The following ANKRD10 variants were observed in gnomAD, a reference collection of about 807,000 sequenced individuals.
ANKRD10 encodes the protein ankyrin repeat domain-containing protein 10.
A neutral mutation model predicts 27.0 loss-of-function variants in ANKRD10; 14 were observed. The observed-to-expected ratio is 0.52, with a 90% CI of 0.34 to 0.81. ANKRD10 has a LOEUF of 0.81. Among genes scored for constraint, ANKRD10 ranks in the 40% least tolerant of loss-of-function variants. The probability of loss-of-function intolerance (pLI) is 0.01; values close to 1 mark genes in which losing one functional copy is unlikely to be tolerated. For missense variants in ANKRD10, 493 were observed against 544.0 expected (o/e 0.91, Z 0.93); for synonymous variants, 250 against 224.5 (o/e 1.11, Z -1.01).
chr13:110,913,568 A>T (rs1033608121), intron 1 of ANKRD10, among the ~76,000 whole-genome samples: 1 of 152,192 alleles, frequency 6.6e-6, no homozygotes, highest in Admixed American at 6.5e-5. Flanking sequence ...TTCCACTTTA[A>T]AAGAATCAGA....
At chr13:110,898,431 T>C (rs954725390) in intron 3 of ANKRD10, among the ~76,000 whole-genome samples, 1 of 152,194 alleles carries the variant, frequency 6.6e-6, no homozygotes, top group African/African-American at 2.4e-5. Flanking sequence ...TAAAATTCAG[T>C]AGGAGTTGAG....
chr13:110,885,154 C>A (rs1566448907), intron 4 of ANKRD10, among the ~76,000 whole-genome samples: 1 of 151,944 alleles, frequency 6.6e-6, no homozygotes, highest in African/African-American at 2.4e-5. Flanking sequence ...CCATTCAAAG[C>A]TTTAAAAAAT....
At chr13:110,912,124 A>G (rs1203701732) in intron 1 of ANKRD10, among the ~76,000 whole-genome samples, 2 of 152,244 alleles carry the variant, frequency 1.3e-5, no homozygotes, top group East Asian at 1.9e-4. Flanking sequence ...CCATGTGCCA[A>G]GCAACTGTTC....
intron 5 of ANKRD10, among the ~76,000 whole-genome samples, chr13:110,881,287 C>T (rs975675022): frequency 6.6e-5 from 10 of 152,266 alleles, no homozygotes; most frequent in East Asian, 3.9e-4. Context: ...TAAATACATC[C>T]GATTACCCTA....
chr13:110,912,870 T>C (rs1225301722), intron 1 of ANKRD10, among the ~76,000 whole-genome samples: 1 of 152,218 alleles, frequency 6.6e-6, no homozygotes, highest in African/African-American at 2.4e-5. Flanking sequence ...GTTTGGACAC[T>C]GGACAGGGGC....
At chr13:110,898,472 CTG>C (rs1157952967) in intron 3 of ANKRD10, among the ~76,000 whole-genome samples, 2 of 152,214 alleles carry the variant, frequency 1.3e-5, no homozygotes, top group Non-Finnish European at 2.9e-5. Context: ...TTTACAGGTT[CTG>C]TGTTTCCATC....
At chr13:110,889,337 G>GA (rs1356639099) in intron 4 of ANKRD10, among the ~76,000 whole-genome samples, 1 of 151,864 alleles carries the variant, frequency 6.6e-6, no homozygotes, top group African/African-American at 2.4e-5. Context: ...CCACACTGAG[G>GA]AAAGTATTAT....
intron 3 of ANKRD10, among the ~76,000 whole-genome samples, chr13:110,902,268 G>A (rs1263550188): frequency 6.6e-6 from 1 of 152,096 alleles, no homozygotes; most frequent in East Asian, 1.9e-4. Context: ...ATTTTGCTAA[G>A]GGCAAAAGTC....
At position 110,900,737 on chromosome 13, in the gene ANKRD10, T is replaced by C. The variant is rs2065359561; in HGVS notation, c.455+5296A>G. ...GTGTAGTTTTTACAGATTCAGAATCTTCTGTGTGATTTAAAACGGGCAATG... is the reference window on the plus strand; with the variant it reads ...GTGTAGTTTTTACAGATTCAGAATCCTCTGTGTGATTTAAAACGGGCAATG... On this transcript the variant is annotated intron_variant, in intron 3 of 5. Coordinates refer to ENST00000267339, the MANE Select transcript of ANKRD10 (RefSeq NM_017664.4). 14 of 1,283,884 alleles carry C rather than the reference T, an allele frequency of 1.1e-5. No individual in the cohort carries two copies. In the South Asian group the frequency reaches 1.6e-4, roughly 15 times the overall value. The allele number at this position is 1,283,884 out of a possible 1,614,324, so 79.5% of individuals were successfully genotyped here.
chr13:110,898,655 G>A (rs561174544), intron 3 of ANKRD10, among the ~76,000 whole-genome samples: 213 of 151,652 alleles, frequency 1.4e-3, no homozygotes, highest in African/African-American at 4.7e-3. Flanking sequence ...CTGTAGCCTC[G>A]TCTACCTCCT....
At chr13:110,895,021 G>A (rs185746358) in intron 3 of ANKRD10, 3 of 152,152 alleles carry the variant, frequency 2.0e-5, no homozygotes, top group East Asian at 1.9e-4. Context: ...TGACCTGGGA[G>A]GGTCTATTCT....
At chr13:110,880,349 G>A (rs2138816301) in intron 5 of ANKRD10, among the ~76,000 whole-genome samples, 1 of 152,230 alleles carries the variant, frequency 6.6e-6, no homozygotes, top group East Asian at 1.9e-4. Flanking sequence ...GCATCAGGTA[G>A]CTCAACTGAA....
chr13:110,899,451 T>C (rs1230149258), intron 3 of ANKRD10, among the ~76,000 whole-genome samples: 1 of 152,212 alleles, frequency 6.6e-6, no homozygotes, highest in Non-Finnish European at 1.5e-5. Context: ...ATAGCCTACC[T>C]CCTTGGTCCT....
intron 3 of ANKRD10, among the ~76,000 whole-genome samples, chr13:110,898,840 C>T (rs1195598757): frequency 2.7e-5 from 4 of 147,500 alleles, no homozygotes; most frequent in Middle Eastern, 3.6e-3. Flanking sequence ...ACCGCAACCT[C>T]TGCCTCCCAG....
At chr13:110,894,232 C>A (rs757953952) in intron 3 of ANKRD10, 1 of 1,508,428 alleles carries the variant, frequency 6.6e-7, no homozygotes, top group Non-Finnish European at 9.2e-7. Flanking sequence ...CTGTTAGCTG[C>A]AGGTTGATAA....
chr13:110,889,439 C>T (rs755839522), intron 4 of ANKRD10, among the ~76,000 whole-genome samples: 27 of 152,290 alleles, frequency 1.8e-4, no homozygotes, highest in East Asian at 1.9e-4. Context: ...TTATGTCTTA[C>T]GTTCTGACTA....
rs560517201 is a variant in ANKRD10 at position 110,886,864 on chromosome 13, T to C, written c.692-3071A>G. 3.9e-5 allele frequency among the ~76,000 whole-genome samples: 6 copies of C among 152,246 alleles called. No homozygotes were observed. In the South Asian group the frequency reaches 1.2e-3, roughly 31 times the overall value. On this transcript the variant is annotated intron_variant, in intron 4 of 5. Transcript: ENST00000267339. ...AAGTTACACAATGATTGAATGCTTC[T>C]GAAAATGTTAGTATGACCACTTTTT...
In ANKRD10 at chr13:110,910,620, G is replaced by T. The variant is rs760254438; in HGVS notation, c.361C>A (p.Pro121Thr). 1 of 1,613,694 alleles carries T rather than the reference G, an allele frequency of 6.2e-7. No homozygotes were observed. Among genetic ancestry groups the T allele is most frequent in the South Asian group, 1.1e-5 (1 of 90,956 alleles). ...LIQAGANINK[P>T]DCEGETPIHK... ...AAGTCCATCACCAGCACTCTTACCG[G>T]TTTGTTAATGTTGGCTCCTGCTTGA... The change falls in exon 2 of 6, where the codon CCG (proline) becomes ACG (threonine). Residue 121 changes from proline to threonine, a missense_variant and splice_region_variant. Transcript: ENST00000267339.
chr13:110,911,970 G>T (rs2065726305), intron 1 of ANKRD10, among the ~76,000 whole-genome samples: 1 of 152,154 alleles, frequency 6.6e-6, no homozygotes, highest in Non-Finnish European at 1.5e-5. Context: ...AACCCTATGG[G>T]GGAAAAAAGC....
Sources: gnomAD v4.1 joint callset for allele counts (sites outside exome capture counted in the v4.1 genomes callset) on GRCh38, gnomAD v4.1.1 for gene constraint, MANE v1.5 for transcripts, NCBI Gene and HGNC (gene_info 2026-07-23, HGNC 2026-07-21) for gene names.